The following HERC1 variants were observed in gnomAD, a reference collection of about 807,000 sequenced individuals.
HERC1 encodes the protein HECT and RLD domain containing E3 ubiquitin protein ligase family member 1.
A neutral mutation model predicts 554.3 loss-of-function variants in HERC1; 160 were observed. That is an observed-to-expected ratio of 0.29 (90% CI 0.25 to 0.33). The LOEUF (loss-of-function observed/expected upper bound fraction) is 0.33, where lower values mean the gene tolerates loss of function less well. Ranked by LOEUF, HERC1 falls within the 10% of genes least tolerant of loss-of-function variation. The pLI, the probability that HERC1 is intolerant of heterozygous loss-of-function variation, is 1.00. For synonymous variants in HERC1, 2,175 were observed against 2,131.7 expected, an observed-to-expected ratio of 1.02 and a Z score of -0.56; for missense variants, 4,919 against 5,918.5, an observed-to-expected ratio of 0.83 and a Z score of 5.54.
rs753337873 is a variant in HERC1 at position 63,645,574 on chromosome 15, G to C, written c.10987C>G (p.Leu3663Val). ...ATAGATGGATGGCAGAGTGAATGTAGACAGCACCAGCATCCCGAAATAGAG... is the reference window on the plus strand; with the variant it reads ...ATAGATGGATGGCAGAGTGAATGTACACAGCACCAGCATCCCGAAATAGAG... ...WGSISGCWCC[L>V]HSLCHPSIVN... Residue 3663 changes from leucine to valine, a missense_variant, in exon 56 of 78, where the codon CTA becomes GTA. Leu to Val is a conservative substitution (Grantham distance 32). This residue lies in a region of HERC1 where 1,963 missense variants were observed against 2,228.6 expected (regional missense o/e 0.88). Transcript: ENST00000443617. The C allele has an allele frequency of 6.2e-7, 1 of 1,613,468 alleles. No homozygotes were observed. The highest frequency in any genetic ancestry group is 8.5e-7 in the Non-Finnish European group (1 of 1,179,618).
rs777560444 is a variant in HERC1, at chr15:63,756,620, T to C, written c.1350A>G (p.Thr450=). The C allele has an allele frequency of 6.2e-6, 10 of 1,613,848 alleles. 1 individual carries two copies. Among genetic ancestry groups the C allele is most frequent in the South Asian group, 5.5e-5 (5 of 91,066 alleles). Residue 450 remains threonine, a synonymous_variant, in exon 5 of 78, where the codon ACA becomes ACG. Coordinates refer to ENST00000443617, the MANE Select transcript of HERC1 (RefSeq NM_003922.4). This position sits in a 1 kb window ranked among gnomAD's most constrained non-coding sequence, Gnocchi z 5.0. ...SNNQSTLKKL[T]FEPHRSIKKV... ...TTTTAATGGATCTGTGAGGCTCGAATGTTAACTTTTTTAAAGTTGACTGAT... is the reference window on the plus strand; with the variant it reads ...TTTTAATGGATCTGTGAGGCTCGAACGTTAACTTTTTTAAAGTTGACTGAT...
intron 64 of HERC1, 105 bp from the exon 65 acceptor site, chr15:63,636,247 C>T: frequency 1.2e-6 from 1 of 854,808 alleles, no homozygotes. Context: ...CGAATTGGTA[C>T]TATGAAAATA....
chr15:63,664,792 T>C lies in HERC1; in HGVS notation c.8556-198A>G, dbSNP rs146858979. Among the ~76,000 whole-genome samples the C allele has an allele frequency of 1.9e-4, 29 of 152,346 alleles. 1 individual carries two copies. In the East Asian group the frequency reaches 5.4e-3, roughly 28 times the overall value. On this transcript the variant is annotated intron_variant, in intron 42 of 77. Transcript: ENST00000443617. ...TTTCCTGTGACCTGAGCAATAACTTTGTCTGATTTTGAATTCTTCCAACAA... is the reference window on the plus strand; with the variant it reads ...TTTCCTGTGACCTGAGCAATAACTTCGTCTGATTTTGAATTCTTCCAACAA...
intron 54 of HERC1, among the ~76,000 whole-genome samples, chr15:63,648,851 C>T (rs552502898): frequency 7.5e-4 from 114 of 152,306 alleles, no homozygotes; most frequent in African/African-American, 2.7e-3. Flanking sequence ...AAACAAACCT[C>T]TTCTGTTAAT....
intron 1 of HERC1, among the ~76,000 whole-genome samples, chr15:63,806,877 AGC>A (rs2145087161): frequency 6.6e-6 from 1 of 152,214 alleles, no homozygotes; most frequent in Non-Finnish European, 1.5e-5. Context: ...CCTCCCAAAC[AGC>A]TGGGATTACA....
At chr15:63,636,180 G>T in intron 64 of HERC1, 38 bp from the exon 65 acceptor site, 6 of 1,575,414 alleles carry the variant, frequency 3.8e-6, no homozygotes, top group Non-Finnish European at 5.2e-6. Context: ...GTCACTGGAT[G>T]TTAAAACTCT....
chr15:63,682,335 T>C (rs989366585), intron 34 of HERC1, among the ~76,000 whole-genome samples: 2 of 152,208 alleles, frequency 1.3e-5, no homozygotes, highest in Non-Finnish European at 2.9e-5. Flanking sequence ...AACTGTGCTG[T>C]TCTTTCTTCC....
At chr15:63,768,688 C>CA (rs57080812) in intron 2 of HERC1, among the ~76,000 whole-genome samples, 1,883 of 152,240 alleles carry the variant, frequency 0.012, 35 homozygotes, top group African/African-American at 0.044. Flanking sequence ...TGCCTTTCTA[C>CA]AGTATGGAGA....
At chr15:63,773,523 T>C (rs1029317278) in intron 2 of HERC1, among the ~76,000 whole-genome samples, 5 of 151,892 alleles carry the variant, frequency 3.3e-5, no homozygotes, top group African/African-American at 1.2e-4. Context: ...AGTCTTAATA[T>C]TTTAAATTTG....
At chr15:63,708,981 CAA>C (rs555056439) in intron 24 of HERC1, among the ~76,000 whole-genome samples, 74 of 152,108 alleles carry the variant, frequency 4.9e-4, no homozygotes, top group African/African-American at 1.8e-3. Context: ...GAAAGATGAT[CAA>C]AAGTCAATCT....
Position 63,749,927 on chromosome 15 carries a change from AT to A in HERC1, c.1903-137del. 1 of 757,944 alleles carries A rather than the reference AT, an allele frequency of 1.3e-6. No homozygotes were observed. Among genetic ancestry groups the A allele is most frequent in the Non-Finnish European group, 2.0e-6 (1 of 501,610 alleles). 47.0% of individuals were successfully genotyped at this position (757,944 alleles called of 1,614,324 possible). A position where few individuals can be genotyped will look rare whatever the true frequency, so the allele number is the denominator to read the frequency against. On this transcript the variant is annotated intron_variant, in intron 8 of 77. Coordinates refer to ENST00000443617, the MANE Select transcript of HERC1 (RefSeq NM_003922.4). This position sits in a 1 kb window ranked among gnomAD's most constrained non-coding sequence, Gnocchi z 4.1. ...TTCTGATGTTAAAATCATTTTGATC[AT>A]TTTAAAGATTGTTACAGCGATTTAT... is the stretch of plus-strand genomic sequence containing the variant.
chr15:63,620,078 G>T (rs1312064598), intron 74 of HERC1, among the ~76,000 whole-genome samples: 2 of 152,062 alleles, frequency 1.3e-5, no homozygotes, highest in Non-Finnish European at 1.5e-5. Flanking sequence ...TCTTTTTATT[G>T]TGATGTTAGG....
At chr15:63,691,054 T>C (rs1237294874) in intron 31 of HERC1, among the ~76,000 whole-genome samples, 2 of 152,216 alleles carry the variant, frequency 1.3e-5, no homozygotes, top group Admixed American at 6.5e-5. Context: ...TAAACAGGTC[T>C]GTTAATCTCC....
Position 63,749,137 on chromosome 15 carries a change from T to C in HERC1, c.2219+230A>G, listed in dbSNP as rs1235124962. Among the ~76,000 whole-genome samples, 1 of 152,176 alleles carries C rather than the reference T, an allele frequency of 6.6e-6. No homozygotes were observed. Among genetic ancestry groups the C allele is most frequent in the African/African-American group, 2.4e-5 (1 of 41,460 alleles). On this transcript the variant is annotated intron_variant, in intron 10 of 77. Coordinates refer to ENST00000443617, the MANE Select transcript of HERC1 (RefSeq NM_003922.4). The surrounding 1 kb of genome is among the most constrained non-coding windows in gnomAD (Gnocchi z 4.1). The stretch of plus-strand genomic sequence containing the variant: ...AGAACTCAAAATGTTTAAAAGACAA[T>C]GTCTTAAATACTGGGTATGACTTCT...
At chr15:63,675,975 C>T (rs999714036) in intron 37 of HERC1, among the ~76,000 whole-genome samples, 1 of 150,318 alleles carries the variant, frequency 6.7e-6, no homozygotes, top group Non-Finnish European at 1.5e-5. Flanking sequence ...GCGATCTCAG[C>T]TCACTGCAAC....
At chr15:63,761,301 T>C (rs1050677306) in intron 3 of HERC1, among the ~76,000 whole-genome samples, 5 of 152,224 alleles carry the variant, frequency 3.3e-5, no homozygotes, top group Admixed American at 3.3e-4. Flanking sequence ...AGAGACAGGC[T>C]GGGCGCCATG....
chr15:63,783,375 T>C (rs2076343414), intron 1 of HERC1, among the ~76,000 whole-genome samples: 1 of 152,104 alleles, frequency 6.6e-6, no homozygotes, highest in Admixed American at 6.6e-5. Flanking sequence ...TTACAACTCT[T>C]TGAAGGATCA....
At position 63,733,156 on chromosome 15, in the gene HERC1, A is replaced by G; in HGVS notation, c.2647-11T>C. 1 of 1,572,140 alleles carries G rather than the reference A, an allele frequency of 6.4e-7. No homozygotes were observed. The highest frequency in any genetic ancestry group is 8.8e-7 in the Non-Finnish European group (1 of 1,141,912). On this transcript the variant is annotated splice_polypyrimidine_tract_variant and intron_variant, in intron 13 of 77. Transcript: ENST00000443617. ...ATCCAGTTGCATTCTCTAAAGAACAATAAAATAGGAACAAGTAACTAGCGT... is the reference window on the plus strand; with the variant it reads ...ATCCAGTTGCATTCTCTAAAGAACAGTAAAATAGGAACAAGTAACTAGCGT...
rs1409731736 is a variant in HERC1 at position 63,698,999 on chromosome 15, A to G, written c.4637-3T>C. The G allele has an allele frequency of 6.2e-7, 1 of 1,602,274 alleles. No homozygotes were observed. The highest frequency in any genetic ancestry group is 8.5e-7 in the Non-Finnish European group (1 of 1,171,142). ...TTCCAATTGACTGTGCATAGGACCT[A>G]TATACAAACAGAATAAACATATATC... On this transcript the variant is annotated splice_region_variant and splice_polypyrimidine_tract_variant and intron_variant, in intron 25 of 77. Coordinates refer to ENST00000443617, the MANE Select transcript of HERC1 (RefSeq NM_003922.4).
Sources: allele counts gnomAD v4.1 joint callset (sites outside exome capture counted in the v4.1 genomes callset), GRCh38; gene constraint gnomAD v4.1.1; regional missense constraint gnomAD v4.1.1; non-coding constraint Gnocchi (gnomAD v3.1); transcripts MANE v1.5; gene names NCBI Gene and HGNC (gene_info 2026-07-23, HGNC 2026-07-21).